CDK14: variants seen among roughly 807,000 people sequenced by gnomAD.
CDK14 encodes the protein cyclin dependent kinase 14, also known as cyclin-dependent kinase 14.
CDK14 carries 34 observed loss-of-function variants against 60.7 expected under a neutral mutation model. The observed-to-expected ratio is 0.56, with a 90% confidence interval of 0.43 to 0.75. CDK14 has a LOEUF of 0.75. Ranked by LOEUF, CDK14 falls within the 30% of genes least tolerant of loss-of-function variation. The probability of loss-of-function intolerance (pLI) is 0.00; values close to 1 mark genes in which losing one functional copy is unlikely to be tolerated. For synonymous variants in CDK14, 197 were observed against 203.7 expected (o/e 0.97, Z 0.28); for missense variants, 482 against 564.1 (o/e 0.85, Z 1.47).
At chr7:91,075,572 C>G (rs1433327598) in intron 11 of CDK14, among the ~76,000 whole-genome samples, 2 of 152,192 alleles carry the variant, frequency 1.3e-5, no homozygotes, top group East Asian at 3.9e-4. Flanking sequence ...CAAGGATGCT[C>G]TCTCTCAACA....
At chr7:90,795,579 T>C (rs1189136869) in intron 5 of CDK14, among the ~76,000 whole-genome samples, 2 of 152,074 alleles carry the variant, frequency 1.3e-5, no homozygotes, top group Non-Finnish European at 2.9e-5. Context: ...AAATATTTGT[T>C]ATATAAAGAG....
chr7:90,916,880 A>C (rs1793099039), intron 7 of CDK14, among the ~76,000 whole-genome samples: 1 of 152,154 alleles, frequency 6.6e-6, no homozygotes, highest in Non-Finnish European at 1.5e-5. Context: ...GCTATTAATC[A>C]CTTCTGAAAT....
intron 2 of CDK14, chr7:90,726,263 A>G (rs920367565): frequency 6.2e-6 from 6 of 975,254 alleles, no homozygotes; most frequent in Middle Eastern, 5.2e-4. Context: ...TTCCAGTCAG[A>G]TGGTAAAACG....
At chr7:90,605,371 A>G (rs1192123839) in intron 2 of CDK14, among the ~76,000 whole-genome samples, 1 of 152,196 alleles carries the variant, frequency 6.6e-6, no homozygotes. Context: ...CTCCAAAGCA[A>G]CTTTCCCTGC....
intron 5 of CDK14, among the ~76,000 whole-genome samples, chr7:90,837,871 A>G (rs1790163781): frequency 1.3e-5 from 2 of 152,224 alleles, no homozygotes; most frequent in African/African-American, 4.8e-5. Flanking sequence ...GTTAGAAGAC[A>G]TATTAAACAT....
intron 2 of CDK14, among the ~76,000 whole-genome samples, chr7:90,623,774 G>A (rs1466869912): frequency 1.3e-5 from 2 of 152,094 alleles, no homozygotes; most frequent in East Asian, 3.9e-4. Flanking sequence ...GAGTTTTCAA[G>A]CCTTTTATTT....
chr7:90,874,503 C>CTTTTTTTTTTTTTTTTT (rs747439482), intron 6 of CDK14, among the ~76,000 whole-genome samples: 1 of 47,966 alleles, frequency 2.1e-5, no homozygotes, highest in African/African-American at 6.9e-5. Context: ...TCCTTTCATC[C>CTTTTTTTTTTTTTTTTT]TTTTTTTTTT....
intron 14 of CDK14, among the ~76,000 whole-genome samples, chr7:91,188,898 G>A (rs1802269933): frequency 6.6e-6 from 1 of 152,122 alleles, no homozygotes; most frequent in Admixed American, 6.5e-5. Context: ...GATTTGAAGT[G>A]TTCCTCTTTA....
At chr7:91,191,624 G>A (rs545332176) in intron 14 of CDK14, among the ~76,000 whole-genome samples, 1 of 151,814 alleles carries the variant, frequency 6.6e-6, no homozygotes, top group African/African-American at 2.4e-5. Flanking sequence ...CAGATGGGGG[G>A]GTGGGATGTG....
intron 11 of CDK14, among the ~76,000 whole-genome samples, chr7:91,053,881 A>G (rs1439713285): frequency 6.6e-6 from 1 of 152,134 alleles, no homozygotes; most frequent in Non-Finnish European, 1.5e-5. Context: ...TGAAGTGCTG[A>G]GATACCTTCC....
intron 10 of CDK14, among the ~76,000 whole-genome samples, chr7:91,007,247 A>G: frequency 6.6e-6 from 1 of 152,196 alleles, no homozygotes; most frequent in East Asian, 1.9e-4. Context: ...ACTTGAGTTA[A>G]CATTTTTGTT....
At chr7:90,638,544 G>T (rs9768399) in intron 2 of CDK14, among the ~76,000 whole-genome samples, 3 of 152,004 alleles carry the variant, frequency 2.0e-5, no homozygotes, top group East Asian at 3.9e-4. Flanking sequence ...CCTGACCTTT[G>T]TCTCTGGCTG....
intron 5 of CDK14, among the ~76,000 whole-genome samples, chr7:90,842,996 T>G (rs1430946268): frequency 1.3e-5 from 2 of 152,160 alleles, no homozygotes; most frequent in Non-Finnish European, 2.9e-5. Flanking sequence ...TCCTGCTTGA[T>G]TTTACTGAGA....
intron 11 of CDK14, among the ~76,000 whole-genome samples, chr7:91,077,006 G>T (rs1402626419): frequency 6.6e-6 from 1 of 152,210 alleles, no homozygotes; most frequent in Admixed American, 6.5e-5. Context: ...GTAGCTGCTG[G>T]TGAGGCTGAG....
Position 90,597,443 on chromosome 7 carries a change from A to G in CDK14, c.91+725A>G, listed in dbSNP as rs559439471. ...CGAATAAATGCATGTCACAGGTTGT[A>G]ATAGGGTGACAGCAGTATCACGTGG... is the stretch of plus-strand genomic sequence containing the variant. On this transcript the variant is annotated intron_variant, in intron 1 of 14. Transcript: ENST00000380050. 3.9e-5 allele frequency: 6 copies of G among 152,338 alleles called. No individual in the cohort carries two copies. The East Asian group carries it at 1.2e-3, about 29-fold the overall frequency. 9.4% of individuals were successfully genotyped at this position (152,338 alleles called of 1,614,324 possible).
chr7:91,125,321 A>G (rs1023647923), intron 14 of CDK14, among the ~76,000 whole-genome samples: 1 of 152,192 alleles, frequency 6.6e-6, no homozygotes, highest in Non-Finnish European at 1.5e-5. Context: ...ACAGATAGCA[A>G]ATGTAATGAA....
At chr7:90,961,361 A>T (rs3808264) in intron 9 of CDK14, among the ~76,000 whole-genome samples, 10,795 of 145,660 alleles carry the variant, frequency 0.074, 461 homozygotes, top group South Asian at 0.094. Flanking sequence ...AGAGTTTTTT[A>T]AAAAAAATAA....
intron 12 of CDK14, among the ~76,000 whole-genome samples, chr7:91,083,425 A>G (rs926485841): frequency 1.3e-5 from 2 of 152,078 alleles, no homozygotes; most frequent in African/African-American, 4.8e-5. Flanking sequence ...ACCCTTGAAA[A>G]TGTACTGTTT....
At chr7:90,924,879 CT>C (rs1352231459) in intron 8 of CDK14, among the ~76,000 whole-genome samples, 1 of 151,646 alleles carries the variant, frequency 6.6e-6, no homozygotes, top group Non-Finnish European at 1.5e-5. Context: ...TTAAAATGTC[CT>C]TTTCACCTTG....
Sources: allele counts gnomAD v4.1 joint callset (sites outside exome capture counted in the v4.1 genomes callset), GRCh38; gene constraint gnomAD v4.1.1; transcripts MANE v1.5; gene names NCBI Gene and HGNC (gene_info 2026-07-23, HGNC 2026-07-21).